The following WWOX variants were observed in gnomAD, a reference collection of about 807,000 sequenced individuals.
The protein encoded by WWOX is WW domain containing oxidoreductase.
WWOX carries 69 observed loss-of-function variants against 46.2 expected under a neutral mutation model. The ratio of observed to expected loss-of-function variants is 1.49; its 90% CI spans 1.23 to 1.82. The LOEUF is 1.82. Among genes scored for constraint, WWOX ranks in the 40% most tolerant of loss-of-function variants. The probability of loss-of-function intolerance (pLI) is 0.00; values close to 1 mark genes in which losing one functional copy is unlikely to be tolerated. For missense variants in WWOX, 919 were observed against 542.6 expected, an observed-to-expected ratio of 1.69 and a Z score of -6.89; for synonymous variants, 359 against 202.6, an observed-to-expected ratio of 1.77 and a Z score of -6.56.
intron 8 of WWOX, among the ~76,000 whole-genome samples, chr16:78,439,515 A>C (rs1031010567): frequency 1.3e-5 from 2 of 152,194 alleles, no homozygotes; most frequent in Non-Finnish European, 2.9e-5. Context: ...TTAAGTTTAC[A>C]GTGCTTGCTT....
At chr16:78,136,504 T>G (rs1266953305) in intron 4 of WWOX, among the ~76,000 whole-genome samples, 3 of 152,176 alleles carry the variant, frequency 2.0e-5, no homozygotes, top group Non-Finnish European at 4.4e-5. Flanking sequence ...CTTTCAAATC[T>G]AGAGGACAAA....
At chr16:78,688,332 C>T (rs1028493236) in intron 8 of WWOX, among the ~76,000 whole-genome samples, 26 of 148,506 alleles carry the variant, frequency 1.8e-4, no homozygotes, top group Admixed American at 4.7e-4. Flanking sequence ...AGAAAATTCA[C>T]GAGATCATTC....
chr16:79,003,820 G>C (rs1422217387), intron 8 of WWOX, among the ~76,000 whole-genome samples: 3 of 152,088 alleles, frequency 2.0e-5, no homozygotes, highest in African/African-American at 7.2e-5. Flanking sequence ...TGCATCTTTG[G>C]GGAAGGCAGT....
At chr16:78,202,501 C>T (rs775890969) in intron 5 of WWOX, among the ~76,000 whole-genome samples, 2 of 152,168 alleles carry the variant, frequency 1.3e-5, no homozygotes, top group African/African-American at 4.8e-5. Context: ...ATGTAGACCT[C>T]GGTTGTAACC....
intron 8 of WWOX, among the ~76,000 whole-genome samples, chr16:78,883,258 C>G (rs145355931): frequency 6.6e-6 from 1 of 152,186 alleles, no homozygotes; most frequent in African/African-American, 2.4e-5. Context: ...GCTCCTGAAC[C>G]CATCTGGACC....
At chr16:78,274,493 C>A (rs2079541138) in intron 5 of WWOX, among the ~76,000 whole-genome samples, 1 of 152,190 alleles carries the variant, frequency 6.6e-6, no homozygotes, top group Non-Finnish European at 1.5e-5. Flanking sequence ...TAGAACTATG[C>A]AGAGGTAATA....
chr16:79,131,299 G>A (rs1258529166), intron 8 of WWOX, among the ~76,000 whole-genome samples: 2 of 152,116 alleles, frequency 1.3e-5, no homozygotes, highest in Non-Finnish European at 2.9e-5. Context: ...AAGAGGCATG[G>A]ATCCTTGAGT....
At chr16:78,208,196 C>T (rs1245994597) in intron 5 of WWOX, among the ~76,000 whole-genome samples, 2 of 152,112 alleles carry the variant, frequency 1.3e-5, no homozygotes, top group Non-Finnish European at 2.9e-5. Flanking sequence ...TTTTACTGGA[C>T]GTTTTCTATA....
intron 8 of WWOX, among the ~76,000 whole-genome samples, chr16:78,464,772 C>T (rs1259274266): frequency 6.6e-6 from 1 of 152,126 alleles, no homozygotes; most frequent in Admixed American, 6.5e-5. Context: ...GGAGAAATGG[C>T]CACTGCAACT....
intron 8 of WWOX, among the ~76,000 whole-genome samples, chr16:78,841,647 T>C (rs2052152983): frequency 6.6e-6 from 1 of 152,234 alleles, no homozygotes; most frequent in Non-Finnish European, 1.5e-5. Flanking sequence ...TTTTTTGTCT[T>C]ATGTTTCTTG....
chr16:78,786,575 A>G (rs533870728), intron 8 of WWOX, among the ~76,000 whole-genome samples: 42 of 152,300 alleles, frequency 2.8e-4, no homozygotes, highest in Middle Eastern at 3.4e-3. Context: ...ACACTTTCCA[A>G]TAAGCCCATT....
At chr16:78,624,051 C>T (rs531762553) in intron 8 of WWOX, among the ~76,000 whole-genome samples, 16 of 152,274 alleles carry the variant, frequency 1.1e-4, no homozygotes, top group South Asian at 2.1e-4. Context: ...GCATCTTGCA[C>T]GTAGAATTCA....
At chr16:78,470,007 C>T (rs1205863335) in intron 8 of WWOX, among the ~76,000 whole-genome samples, 2 of 152,244 alleles carry the variant, frequency 1.3e-5, no homozygotes, top group South Asian at 2.1e-4. Flanking sequence ...CACGCCTGTG[C>T]ACAGTTGCTC....
rs148818907 is a variant in WWOX, at chr16:78,945,062, C to T, written c.1057-266546C>T. ...GGGCATGGTGGCGTACACCTGTAGT[C>T]GCAGGTACTTGGGAGGCTGAGGTAA... On this transcript the variant is annotated intron_variant, in intron 8 of 8. Coordinates refer to ENST00000566780, the MANE Select transcript of WWOX (RefSeq NM_016373.4). 8.2e-4 allele frequency among the ~76,000 whole-genome samples: 124 copies of T among 152,080 alleles called. 1 individual carries two copies. Among genetic ancestry groups the T allele is most frequent in the African/African-American group, 2.1e-3 (86 of 41,484 alleles).
At chr16:78,465,894 G>T (rs1053306577) in intron 8 of WWOX, among the ~76,000 whole-genome samples, 1 of 152,118 alleles carries the variant, frequency 6.6e-6, no homozygotes, top group Admixed American at 6.5e-5. Context: ...ACACTAAGAG[G>T]TCACATAGGA....
chr16:79,182,689 C>G (rs1035265405), intron 8 of WWOX, among the ~76,000 whole-genome samples: 6 of 152,180 alleles, frequency 3.9e-5, no homozygotes, highest in Non-Finnish European at 2.9e-5. Flanking sequence ...AGTTATTAAC[C>G]TCTTTATGCC....
intron 8 of WWOX, among the ~76,000 whole-genome samples, chr16:78,494,090 A>C (rs140119795): frequency 6.6e-6 from 1 of 152,022 alleles, no homozygotes; most frequent in Non-Finnish European, 1.5e-5. Context: ...CAGTTATGGC[A>C]GAAGGTGAAG....
At chr16:78,555,368 C>T (rs1213747862) in intron 8 of WWOX, among the ~76,000 whole-genome samples, 2 of 152,080 alleles carry the variant, frequency 1.3e-5, no homozygotes, top group Non-Finnish European at 2.9e-5. Context: ...ACATTTGGCA[C>T]AGTTATTGTT....
intron 8 of WWOX, among the ~76,000 whole-genome samples, chr16:78,493,451 T>C (rs904764290): frequency 6.6e-6 from 1 of 152,184 alleles, no homozygotes; most frequent in African/African-American, 2.4e-5. Flanking sequence ...TCCACCTGTG[T>C]GAGTAACTAA....
Sources: gnomAD v4.1 joint callset for allele counts (sites outside exome capture counted in the v4.1 genomes callset) on GRCh38, gnomAD v4.1.1 for gene constraint, MANE v1.5 for transcripts, NCBI Gene and HGNC (gene_info 2026-07-23, HGNC 2026-07-21) for gene names.